FAM169A: variants seen among roughly 807,000 people sequenced by gnomAD.
FAM169A encodes the protein soluble lamin-associated protein of 75 kDa.
A neutral mutation model predicts 75.7 loss-of-function variants in FAM169A; 24 were observed. That is an observed-to-expected ratio of 0.32 (90% CI 0.23 to 0.45). The LOEUF is 0.45. Ranked by LOEUF, FAM169A falls within the 20% of genes least tolerant of loss-of-function variation. The probability of loss-of-function intolerance (pLI) is 1.00; values close to 1 mark genes in which losing one functional copy is unlikely to be tolerated. For missense variants in FAM169A, 673 were observed against 784.0 expected, an observed-to-expected ratio of 0.86 and a Z score of 1.69; for synonymous variants, 271 against 271.0, an observed-to-expected ratio of 1.00 and a Z score of 0.00.
chr5:74,827,522 T>C (rs1748096750), intron 5 of FAM169A, among the ~76,000 whole-genome samples: 1 of 152,088 alleles, frequency 6.6e-6, no homozygotes, highest in Non-Finnish European at 1.5e-5. Context: ...GTTCTAAGTA[T>C]TGATCCAAAA....
chr5:74,860,038 C>G (rs148977026), intron 1 of FAM169A, among the ~76,000 whole-genome samples: 16 of 152,242 alleles, frequency 1.1e-4, no homozygotes, highest in Admixed American at 5.9e-4. Context: ...TGAGGTAATT[C>G]TGTCAACAAC....
At chr5:74,803,932 T>C (rs73116719) in intron 8 of FAM169A, among the ~76,000 whole-genome samples, 3,643 of 152,224 alleles carry the variant, frequency 0.024, 143 homozygotes, top group African/African-American at 0.084. Context: ...TGTTTGCTCC[T>C]GGGTCATTTA....
intron 1 of FAM169A, among the ~76,000 whole-genome samples, chr5:74,852,697 A>G (rs546003478): frequency 2.1e-4 from 32 of 152,162 alleles, no homozygotes; most frequent in African/African-American, 7.0e-4. Context: ...TAAGGTATAT[A>G]ACGGCAAATG....
chr5:74,819,154 G>C (rs931075372), intron 5 of FAM169A, among the ~76,000 whole-genome samples: 2 of 151,834 alleles, frequency 1.3e-5, no homozygotes, highest in Non-Finnish European at 2.9e-5. Flanking sequence ...AGGAGGCAGA[G>C]GTTGCAGCGA....
intron 1 of FAM169A, among the ~76,000 whole-genome samples, chr5:74,843,183 C>A (rs1258039506): frequency 6.6e-6 from 1 of 151,980 alleles, no homozygotes; most frequent in Non-Finnish European, 1.5e-5. Context: ...AGTACAAAAT[C>A]TATATAAGGA....
chr5:74,813,843 T>C lies in FAM169A; in HGVS notation c.667A>G (p.Thr223Ala). Residue 223 changes from threonine (T) to alanine (A), a missense_variant, in exon 6 of 13, where the codon ACA becomes GCA. Physicochemically the swap from Thr to Ala is moderately conservative, Grantham distance 58. Around this residue, in one of 3 missense-constraint regions of FAM169A, gnomAD observed 510 missense variants for 550.9 expected, o/e 0.93. Coordinates refer to ENST00000687041, the MANE Select transcript of FAM169A (RefSeq NM_001376049.1). Reference sequence around the variant, plus strand: ...TTTTTTAACTTAGTCCATTTACCTGTATACATGAGAGAAGACAGTGGATAC... The same window carrying C: ...TTTTTTAACTTAGTCCATTTACCTGCATACATGAGAGAAGACAGTGGATAC... ...LRYPLSSLMY[T>A]ACKQYFEKYP... is the part of the protein sequence containing the mutation. The C allele has an allele frequency of 6.4e-7, 1 of 1,562,966 alleles. No individual in the cohort carries two copies.
At position 74,780,327 on chromosome 5, in the gene FAM169A, T is replaced by TCCC. The variant is rs1745349863; in HGVS notation, c.*1132_*1133insGGG. 3.3e-5 allele frequency: 5 copies of TCCC among 152,326 alleles called. No individual in the cohort carries two copies. The South Asian group carries it at 8.3e-4, about 25-fold the overall frequency. The allele number at this position is 152,326 out of a possible 1,614,324, so 9.4% of individuals were successfully genotyped here. A position where few individuals can be genotyped will look rare whatever the true frequency, so the allele number is the denominator to read the frequency against. On this transcript the variant is annotated 3_prime_UTR_variant, in exon 13 of 13. Transcript: ENST00000687041. ...TGGGGGCAGTTTTACTCCTGCCATATAGGTCTAACATTGTGGGGTGCACCT... is the reference window on the plus strand; with the variant it reads ...TGGGGGCAGTTTTACTCCTGCCATATCCCAGGTCTAACATTGTGGGGTGCACCT...
At chr5:74,859,716 A>G (rs2112744801) in intron 1 of FAM169A, among the ~76,000 whole-genome samples, 1 of 152,308 alleles carries the variant, frequency 6.6e-6, no homozygotes, top group African/African-American at 2.4e-5. Flanking sequence ...GAAGCAAATA[A>G]CTGCTTTGAA....
At chr5:74,830,512 G>A (rs1748259450) in intron 5 of FAM169A, among the ~76,000 whole-genome samples, 1 of 152,160 alleles carries the variant, frequency 6.6e-6, no homozygotes, top group African/African-American at 2.4e-5. Flanking sequence ...TGTGGGGAAG[G>A]TGCCAATAGA....
intron 5 of FAM169A, among the ~76,000 whole-genome samples, chr5:74,831,145 A>C (rs1748289410): frequency 6.6e-6 from 1 of 152,184 alleles, no homozygotes; most frequent in African/African-American, 2.4e-5. Context: ...TTAGAGCCAA[A>C]AGAAGTCTCA....
At chr5:74,792,096 T>C (rs940115915) in intron 11 of FAM169A, among the ~76,000 whole-genome samples, 1 of 152,222 alleles carries the variant, frequency 6.6e-6, no homozygotes, top group African/African-American at 2.4e-5. Flanking sequence ...CGAATGACAG[T>C]TGTATTATGT....
intron 11 of FAM169A, 47 bp from the exon 12 acceptor site, chr5:74,783,181 T>G: frequency 7.1e-7 from 1 of 1,400,604 alleles, no homozygotes; most frequent in Non-Finnish European, 1.0e-6. Context: ...GATTACAAAC[T>G]AACTTATTTG....
chr5:74,799,772 C>A (rs536085836), intron 10 of FAM169A: 9 of 1,123,590 alleles, frequency 8.0e-6, no homozygotes, highest in Non-Finnish European at 1.4e-6. Flanking sequence ...ACAACAGCGC[C>A]GTGGCTGCTG....
At chr5:74,809,583 G>A (rs553419672) in intron 6 of FAM169A, among the ~76,000 whole-genome samples, 5 of 152,052 alleles carry the variant, frequency 3.3e-5, no homozygotes, top group South Asian at 4.2e-4. Context: ...GTGACAGAGC[G>A]AGACTACGTC....
Position 74,783,096 on chromosome 5 carries a change from G to A in FAM169A, c.1299C>T (p.Asp433=), listed in dbSNP as rs1266589989. The A allele has an allele frequency of 4.3e-6, 7 of 1,613,358 alleles. No individual in the cohort carries two copies. Among genetic ancestry groups the A allele is most frequent in the African/African-American group, 2.7e-5 (2 of 74,892 alleles). The change falls in exon 12 of 13, where the codon GAC becomes GAT. Residue 433 remains aspartate (D), a synonymous_variant. Transcript: ENST00000687041. ...ELEPMNGEIM[D]DSLKTSLITE... ...TTATAAGTGAGGTCTTAAGAGAATC[G>A]TCCATTATCTCACCATTCATAGGCT...
chr5:74,864,497 G>C (rs114607128), intron 1 of FAM169A, among the ~76,000 whole-genome samples: 1,895 of 152,308 alleles, frequency 0.012, 44 homozygotes, highest in African/African-American at 0.043. Context: ...CAAAGTGTTG[G>C]GAAAACAGGT....
At chr5:74,861,322 A>G (rs1333181392) in intron 1 of FAM169A, among the ~76,000 whole-genome samples, 1 of 152,222 alleles carries the variant, frequency 6.6e-6, no homozygotes, top group African/African-American at 2.4e-5. Flanking sequence ...TTTACCAAAT[A>G]TATACACTGG....
rs1745495273 is a variant in FAM169A at position 74,783,124 on chromosome 5, A to G, written c.1271T>C (p.Leu424Ser). ...EKQDGEKESE[L>S]EPMNGEIMDD... ...CATTATCTCACCATTCATAGGCTCT[A>G]ATTCAGATTCCTACACCATGAGGAG... The change falls in exon 12 of 13, where the codon TTA becomes TCA. Residue 424 changes from leucine to serine, a missense_variant. Coordinates refer to ENST00000687041, the MANE Select transcript of FAM169A (RefSeq NM_001376049.1). 7 of 1,611,184 alleles carry G rather than the reference A, an allele frequency of 4.3e-6. No individual in the cohort carries two copies. The highest frequency in any genetic ancestry group is 5.9e-6 in the Non-Finnish European group (7 of 1,178,032).
At chr5:74,846,546 C>T (rs1329325163) in intron 1 of FAM169A, among the ~76,000 whole-genome samples, 11 of 152,102 alleles carry the variant, frequency 7.2e-5, no homozygotes, top group African/African-American at 1.2e-4. Context: ...TAAATACGCA[C>T]GTTATTTTAG....
Sources: gnomAD v4.1 joint callset for allele counts (sites outside exome capture counted in the v4.1 genomes callset) on GRCh38, gnomAD v4.1.1 for gene constraint, gnomAD v4.1.1 regional missense constraint, MANE v1.5 for transcripts, NCBI Gene and HGNC (gene_info 2026-07-23, HGNC 2026-07-21) for gene names.